The following GDF5 variants were observed in gnomAD, a reference collection of about 807,000 sequenced individuals.
GDF5 encodes the protein growth/differentiation factor 5.
GDF5 carries 17 observed loss-of-function variants against 34.6 expected under a neutral mutation model. The observed-to-expected ratio is 0.49, with a 90% confidence interval of 0.34 to 0.74. The LOEUF (loss-of-function observed/expected upper bound fraction) is 0.74, where lower values mean the gene tolerates loss of function less well. Among genes scored for constraint, GDF5 ranks in the 30% least tolerant of loss-of-function variants. The pLI is 0.01. For missense variants in GDF5, 616 were observed against 661.2 expected (o/e 0.93, Z 0.75); for synonymous variants, 332 against 290.7 (o/e 1.14, Z -1.44).
chr20:35,453,690 A>G (rs2062547087), intron 1 of GDF5, among the ~76,000 whole-genome samples: 1 of 152,106 alleles, frequency 6.6e-6, no homozygotes, highest in Admixed American at 6.6e-5. Context: ...CTATTTCTCA[A>G]ATTAGCTATT....
intron 1 of GDF5, among the ~76,000 whole-genome samples, chr20:35,444,744 G>A (rs188446298): frequency 7.7e-4 from 117 of 152,162 alleles, no homozygotes; most frequent in African/African-American, 2.6e-3. Context: ...ACAGGTGCCC[G>A]TCACCATGCC....
At chr20:35,449,439 G>T (rs2062523953) in intron 1 of GDF5, among the ~76,000 whole-genome samples, 1 of 152,104 alleles carries the variant, frequency 6.6e-6, no homozygotes, top group Non-Finnish European at 1.5e-5. Context: ...ACCACACCTG[G>T]CTAATTTTAG....
chr20:35,454,003 C>G lies in GDF5; in HGVS notation c.-398+637G>C, dbSNP rs1466954860. The G allele has an allele frequency of 3.7e-5, 20 of 534,522 alleles. No individual in the cohort carries two copies. The Admixed American group carries it at 3.9e-4, about 10-fold the overall frequency. The allele number at this position is 534,522 out of a possible 1,614,324, so 33.1% of individuals were successfully genotyped here. On this transcript the variant is annotated intron_variant, in intron 1 of 3. Transcript: ENST00000374372. ...TGGGTACTTTCTAAAATGCAGATTC[C>G]TGGACTCCACCCCCGGTTTAGGGAT...
intron 1 of GDF5, among the ~76,000 whole-genome samples, chr20:35,446,919 G>C (rs558538901): frequency 6.6e-6 from 1 of 151,752 alleles, no homozygotes; most frequent in East Asian, 1.9e-4. Context: ...GAGAATCCCA[G>C]CAAGAGCAGA....
chr20:35,448,351 G>A (rs1165722980), intron 1 of GDF5, among the ~76,000 whole-genome samples: 1 of 150,004 alleles, frequency 6.7e-6, no homozygotes, highest in African/African-American at 2.5e-5. Context: ...AGCTGGACGC[G>A]GTGGTGCACA....
intron 1 of GDF5, among the ~76,000 whole-genome samples, chr20:35,443,389 T>C (rs2062504338): frequency 6.6e-6 from 1 of 152,232 alleles, no homozygotes; most frequent in East Asian, 1.9e-4. Context: ...GCCACTGACA[T>C]GGAAGTAATC....
chr20:35,439,726 C>T (rs1224889338), upstream of GDF5, among the ~76,000 whole-genome samples: 2 of 152,032 alleles, frequency 1.3e-5, no homozygotes, highest in African/African-American at 4.8e-5. Flanking sequence ...CTCTCTCTCT[C>T]CCACAACTGG....
rs1282939153 is a variant in GDF5 at position 35,434,754 on chromosome 20, T to A, written c.661A>T (p.Arg221Trp). The change falls in exon 2 of 2, where the codon AGG becomes TGG. Residue 221 changes from arginine to tryptophan, a missense_variant. Transcript: ENST00000374369. ...AGGGCACTAATGTCAAACACGTACC[T>A]CTGCTTCCTGACCACGGGACCTCGG... ...DDRGPVVRKQ[R>W]YVFDISALEK... is the part of the protein sequence containing the mutation. 6.2e-7 allele frequency: 1 copy of A among 1,611,108 alleles called. No homozygotes were observed. The highest frequency in any genetic ancestry group is 8.5e-7 in the Non-Finnish European group (1 of 1,179,964).
At chr20:35,438,824 CGT>C (rs57641919), upstream of GDF5, among the ~76,000 whole-genome samples, 11,221 of 126,382 alleles carry the variant, frequency 0.089, 688 homozygotes, top group African/African-American at 0.19. Flanking sequence ...ATTTGTTATG[CGT>C]GTGTGTGTGT....
intron 1 of GDF5, among the ~76,000 whole-genome samples, chr20:35,444,889 C>T (rs763741070): frequency 6.6e-6 from 1 of 151,964 alleles, no homozygotes; most frequent in African/African-American, 2.4e-5. Context: ...CACCGCACCC[C>T]GTCTAATTTT....
At chr20:35,448,634 G>A (rs900759887) in intron 1 of GDF5, among the ~76,000 whole-genome samples, 1 of 151,934 alleles carries the variant, frequency 6.6e-6, no homozygotes, top group African/African-American at 2.4e-5. Context: ...AGTAGAGACA[G>A]GGTTTCGCCA....
intron 1 of GDF5, among the ~76,000 whole-genome samples, chr20:35,447,947 T>A (rs1350084682): frequency 7.8e-6 from 1 of 128,448 alleles, no homozygotes; most frequent in Non-Finnish European, 1.8e-5. Flanking sequence ...CAAGCCCGTC[T>A]CTATAAAATA....
upstream of GDF5, among the ~76,000 whole-genome samples, chr20:35,438,906 T>G (rs555296208): frequency 6.6e-6 from 1 of 151,950 alleles, no homozygotes; most frequent in Admixed American, 6.6e-5. Context: ...TGTGCCTGTG[T>G]GTGTGTATTG....
upstream of GDF5, chr20:35,438,252 G>A (rs1401955641): frequency 3.3e-5 from 13 of 397,164 alleles, no homozygotes; most frequent in East Asian, 5.1e-4. Context: ...AAGGAGGCTT[G>A]TATAAGGCTG....
chr20:35,436,798 C>T (rs926336505), intron 1 of GDF5, among the ~76,000 whole-genome samples: 3 of 152,158 alleles, frequency 2.0e-5, no homozygotes, highest in African/African-American at 7.2e-5. Context: ...GAACATCATT[C>T]CATGACTCCA....
chr20:35,452,051 C>A (rs1291811755), intron 1 of GDF5, among the ~76,000 whole-genome samples: 2 of 152,296 alleles, frequency 1.3e-5, no homozygotes, highest in East Asian at 3.9e-4. Context: ...GGAGGCAAAT[C>A]TTATTGAGAC....
chr20:35,446,069 A>G (rs1366574739), intron 1 of GDF5, among the ~76,000 whole-genome samples: 1 of 152,100 alleles, frequency 6.6e-6, no homozygotes. Flanking sequence ...GCACTTCGGG[A>G]GGCTGAGGTG....
At chr20:35,436,444 G>A in intron 1 of GDF5, among the ~76,000 whole-genome samples, 1 of 151,250 alleles carries the variant, frequency 6.6e-6, no homozygotes, top group East Asian at 2.0e-4. Flanking sequence ...CAACTTGAGC[G>A]ACCAACAGCC....
chr20:35,441,795 G>A (rs1314442123), upstream of GDF5, among the ~76,000 whole-genome samples: 8 of 152,100 alleles, frequency 5.3e-5, no homozygotes, highest in Middle Eastern at 3.4e-3. Context: ...CAGTCAACTA[G>A]ACTCTGGGTT....
Sources: gnomAD v4.1 joint callset for allele counts (sites outside exome capture counted in the v4.1 genomes callset) on GRCh38, gnomAD v4.1.1 for gene constraint, MANE v1.5 for transcripts, NCBI Gene and HGNC (gene_info 2026-07-23, HGNC 2026-07-21) for gene names.